The following ZFR2 variants were observed in gnomAD, a reference collection of about 807,000 sequenced individuals.
ZFR2 encodes the protein zinc finger RNA-binding protein 2.
Under a neutral mutation model 105.7 loss-of-function variants are expected in ZFR2, and 104 were observed. That is an observed-to-expected ratio of 0.98 (90% CI 0.84 to 1.16). ZFR2 has a LOEUF of 1.16. ZFR2 is among the 50% of genes most tolerant of loss of function. The probability of loss-of-function intolerance (pLI) is 0.00; values close to 1 mark genes in which losing one functional copy is unlikely to be tolerated. For missense variants in ZFR2, 1,425 were observed against 1,355.5 expected (o/e 1.05, Z -0.80); for synonymous variants, 634 against 597.7 (o/e 1.06, Z -0.89).
At chr19:3,819,405 A>G (rs2301841) in intron 11 of ZFR2, among the ~76,000 whole-genome samples, 170 bp from the exon 12 acceptor site, 90,995 of 152,050 alleles carry the variant, frequency 0.6, 27,603 homozygotes, top group East Asian at 0.78. Context: ...GGAACAGGGA[A>G]GTACCTCGGG....
rs1267492487 is a variant in ZFR2 at position 3,831,296 on chromosome 19, G to A, written c.852+7C>T. ...TGGGGCCTGCCCATGGCAGGAGGGC[G>A]ACTGACCTGGGGGCCAGCGCAGCTG... On this transcript the variant is annotated splice_region_variant and intron_variant, in intron 5 of 18. Coordinates refer to ENST00000262961, the MANE Select transcript of ZFR2 (RefSeq NM_015174.2). 4.0e-6 allele frequency: 6 copies of A among 1,515,612 alleles called. No homozygotes were observed. The highest frequency in any genetic ancestry group is 3.8e-5 in the South Asian group (3 of 79,574). 93.9% of individuals were successfully genotyped at this position (1,515,612 alleles called of 1,614,324 possible).
At chr19:3,810,242 G>C (rs1181788655) in intron 16 of ZFR2, among the ~76,000 whole-genome samples, 2 of 152,226 alleles carry the variant, frequency 1.3e-5, no homozygotes, top group Non-Finnish European at 2.9e-5. Flanking sequence ...GGGTTCCCGG[G>C]GTCTCCGTGG....
intron 1 of ZFR2, among the ~76,000 whole-genome samples, chr19:3,853,411 G>C (rs140182804): frequency 3.9e-5 from 6 of 152,118 alleles, no homozygotes; most frequent in Non-Finnish European, 8.8e-5. Context: ...CCCAGACCCC[G>C]GGTTGAGAAT....
intron 1 of ZFR2, among the ~76,000 whole-genome samples, chr19:3,840,161 C>T (rs1423246456): frequency 6.6e-6 from 1 of 152,134 alleles, no homozygotes; most frequent in Non-Finnish European, 1.5e-5. Flanking sequence ...ATCCTCTGCC[C>T]AGGCCCTGCA....
chr19:3,816,436 G>A (rs2037825298), intron 13 of ZFR2, among the ~76,000 whole-genome samples: 1 of 151,430 alleles, frequency 6.6e-6, no homozygotes, highest in Non-Finnish European at 1.5e-5. Context: ...AGTAGAGACG[G>A]TGTTTCACCA....
At chr19:3,809,092 TA>T (rs1204156449) in intron 16 of ZFR2, 109 bp from the exon 17 acceptor site, 3 of 776,278 alleles carry the variant, frequency 3.9e-6, no homozygotes, top group Non-Finnish European at 5.7e-6. Flanking sequence ...GCTCTTTCTC[TA>T]ACTCCCACCA....
chr19:3,827,494 T>A lies in ZFR2; in HGVS notation c.1012A>T (p.Ile338Phe), dbSNP rs767740799. The A allele has an allele frequency of 1.3e-6, 2 of 1,552,744 alleles. No individual in the cohort carries two copies. Among genetic ancestry groups the A allele is most frequent in the Non-Finnish European group, 1.7e-6 (2 of 1,148,940 alleles). ...ACCTTCTGGTGCTTGGATCCCCGGA[T>A]GTGGGCCGCGTAGGCGTCCGCCCCG... ...CTGADAYAAH[I>F]RGSKHQKVFK... Residue 338 changes from isoleucine (I) to phenylalanine (F), a missense_variant, in exon 6 of 19, where the codon ATC becomes TTC. Transcript: ENST00000262961.
At chr19:3,824,162 T>C (rs1438973572) in intron 7 of ZFR2, among the ~76,000 whole-genome samples, 2 of 152,048 alleles carry the variant, frequency 1.3e-5, no homozygotes, top group African/African-American at 4.8e-5. Context: ...TAGTGGGATG[T>C]GGTGGTGCAC....
At chr19:3,815,146 G>C (rs992996539) in intron 13 of ZFR2, among the ~76,000 whole-genome samples, 1 of 152,158 alleles carries the variant, frequency 6.6e-6, no homozygotes, top group Non-Finnish European at 1.5e-5. Context: ...CTAGAGTGCA[G>C]TGGCACTATC....
rs2038337800 is a variant in ZFR2 at position 3,858,851 on chromosome 19, ACT to A, written c.53+10112_53+10113del. 2.0e-5 allele frequency among the ~76,000 whole-genome samples: 3 copies of A among 151,716 alleles called. No homozygotes were observed. In the South Asian group the frequency reaches 6.3e-4, roughly 32 times the overall value. On this transcript the variant is annotated intron_variant, in intron 1 of 18. Coordinates refer to ENST00000262961, the MANE Select transcript of ZFR2 (RefSeq NM_015174.2). This position sits in a 1 kb window ranked among gnomAD's most constrained non-coding sequence, Gnocchi z 4.3. ...AAAACTAAAATAATTAAAAACAAGG[ACT>A]CTTTCTTCCCGAACACAGCTCATCA...
rs576370178 is a variant in ZFR2 at position 3,810,955 on chromosome 19, C to T, written c.2338-110G>A. The T allele has an allele frequency of 1.0e-4, 126 of 1,248,322 alleles. No homozygotes were observed. The African/African-American group carries it at 1.4e-3, about 14-fold the overall frequency. 77.3% of individuals were successfully genotyped at this position (1,248,322 alleles called of 1,614,324 possible). ...CCAGGGAGGATAATAGGGAGCCTGGCGGGCCTCGAAGGTGGCGGGTGGAAA... is the reference window on the plus strand; with the variant it reads ...CCAGGGAGGATAATAGGGAGCCTGGTGGGCCTCGAAGGTGGCGGGTGGAAA... On this transcript the variant is annotated intron_variant, in intron 15 of 18. Coordinates refer to ENST00000262961, the MANE Select transcript of ZFR2 (RefSeq NM_015174.2).
intron 1 of ZFR2, among the ~76,000 whole-genome samples, chr19:3,853,064 G>A (rs2038258467): frequency 6.6e-6 from 1 of 152,184 alleles, no homozygotes. Flanking sequence ...AGGAGTTGGA[G>A]ACCAGCCTGG....
intron 1 of ZFR2, among the ~76,000 whole-genome samples, chr19:3,842,369 G>A (rs2038141123): frequency 6.6e-6 from 1 of 152,044 alleles, no homozygotes; most frequent in Admixed American, 6.6e-5. Context: ...GCACATTGAT[G>A]TTTGGAAAAT....
intron 1 of ZFR2, among the ~76,000 whole-genome samples, chr19:3,860,783 T>C (rs1039629232): frequency 6.6e-6 from 1 of 152,088 alleles, no homozygotes; most frequent in Non-Finnish European, 1.5e-5. Flanking sequence ...CTGGCCGACA[T>C]CTCAGGAACA....
intron 16 of ZFR2, among the ~76,000 whole-genome samples, chr19:3,809,605 A>T (rs1404563005): frequency 2.0e-5 from 3 of 152,184 alleles, no homozygotes; most frequent in Non-Finnish European, 4.4e-5. Flanking sequence ...CACGGAGGCT[A>T]CTGTGACCTC....
At chr19:3,817,808 T>G (rs2037842956) in intron 12 of ZFR2, among the ~76,000 whole-genome samples, 1 of 149,866 alleles carries the variant, frequency 6.7e-6, no homozygotes, top group South Asian at 2.1e-4. Context: ...GGGCGCTCCT[T>G]GTATTGGGAC....
At chr19:3,810,689 C>T in intron 16 of ZFR2, 61 bp downstream of exon 16, 1 of 1,453,208 alleles carries the variant, frequency 6.9e-7, no homozygotes, top group East Asian at 2.5e-5. Flanking sequence ...CTGGGCCTGT[C>T]AGGGCCATGG....
At chr19:3,812,687 C>A (rs1476267982) in intron 14 of ZFR2, among the ~76,000 whole-genome samples, 1 of 152,146 alleles carries the variant, frequency 6.6e-6, no homozygotes, top group Non-Finnish European at 1.5e-5. Flanking sequence ...CCACACTGTA[C>A]TTAGTTTTTA....
chr19:3,854,065 C>T (rs973700217), intron 1 of ZFR2, among the ~76,000 whole-genome samples: 1 of 151,694 alleles, frequency 6.6e-6, no homozygotes, highest in Non-Finnish European at 1.5e-5. Flanking sequence ...GCCTGGGCAA[C>T]AGAGCGAGAC....
Sources: gnomAD v4.1 joint callset for allele counts (sites outside exome capture counted in the v4.1 genomes callset) on GRCh38, gnomAD v4.1.1 for gene constraint, Gnocchi (gnomAD v3.1) non-coding constraint, MANE v1.5 for transcripts, NCBI Gene and HGNC (gene_info 2026-07-23, HGNC 2026-07-21) for gene names.